Variants in NAALADL2 observed in about 807,000 individuals in gnomAD.
The protein encoded by NAALADL2 is N-acetylated alpha-linked acidic dipeptidase like 2.
NAALADL2 carries 76 observed loss-of-function variants against 87.2 expected under a neutral mutation model. The observed-to-expected ratio is 0.87, with a 90% CI of 0.72 to 1.05. The LOEUF (loss-of-function observed/expected upper bound fraction) is 1.05, where lower values mean the gene tolerates loss of function less well. Among genes scored for constraint, NAALADL2 ranks in the 50% least tolerant of loss-of-function variants. The pLI is 0.00. For synonymous variants in NAALADL2, 354 were observed against 331.0 expected, an observed-to-expected ratio of 1.07 and a Z score of -0.75; for missense variants, 1,089 against 945.8, an observed-to-expected ratio of 1.15 and a Z score of -1.99.
chr3:175,483,342 A>G (rs1457822451), intron 9 of NAALADL2, among the ~76,000 whole-genome samples: 2 of 137,742 alleles, frequency 1.5e-5, no homozygotes, highest in African/African-American at 5.5e-5. Flanking sequence ...TTTTTTTTTT[A>G]ACTTTCCTTT....
chr3:175,239,756 C>G (rs1020184499), intron 3 of NAALADL2, among the ~76,000 whole-genome samples: 5 of 152,172 alleles, frequency 3.3e-5, no homozygotes, highest in African/African-American at 1.2e-4. Flanking sequence ...AGACTAGCAT[C>G]CTTTCTTAAT....
chr3:175,010,509 T>C (rs1371036503), intron 1 of NAALADL2, among the ~76,000 whole-genome samples: 1 of 152,144 alleles, frequency 6.6e-6, no homozygotes, highest in African/African-American at 2.4e-5. Context: ...AAAATTATCT[T>C]AATATAACTT....
chr3:174,843,311 CT>C (rs796893287), intron 3 of NAALADL2, among the ~76,000 whole-genome samples: 110 of 146,922 alleles, frequency 7.5e-4, no homozygotes, highest in Non-Finnish European at 6.2e-4. Flanking sequence ...ATAATAGCAA[CT>C]TTTTTTTTTT....
chr3:174,648,471 G>A (rs909241591), intron 2 of NAALADL2, among the ~76,000 whole-genome samples: 4 of 152,134 alleles, frequency 2.6e-5, no homozygotes. Context: ...GCAGATATGG[G>A]AGGGGGCTAC....
chr3:175,463,397 T>C lies in NAALADL2; in HGVS notation c.1235-4T>C. The C allele has an allele frequency of 3.9e-6, 6 of 1,537,388 alleles. No homozygotes were observed. The highest frequency in any genetic ancestry group is 5.3e-6 in the Non-Finnish European group (6 of 1,139,458). The stretch of plus-strand genomic sequence containing the variant: ...CAAAAGTCTTTAAATTTTTATTTTT[T>C]CAGAAATAAGAGTCGTCAGCATGCA... On this transcript the variant is annotated splice_polypyrimidine_tract_variant and splice_region_variant and intron_variant, in intron 6 of 13. Coordinates refer to ENST00000454872, the MANE Select transcript of NAALADL2 (RefSeq NM_207015.3).
chr3:175,586,578 A>G (rs1020680221), intron 10 of NAALADL2, among the ~76,000 whole-genome samples: 3 of 152,356 alleles, frequency 2.0e-5, no homozygotes. Context: ...AGTGAAGAAC[A>G]TTTTAATTCT....
intron 11 of NAALADL2, among the ~76,000 whole-genome samples, chr3:175,659,188 T>G (rs1159426205): frequency 6.6e-6 from 1 of 152,194 alleles, no homozygotes; most frequent in Non-Finnish European, 1.5e-5. Context: ...ACTCAATACA[T>G]GTTAGTGTTA....
intron 1 of NAALADL2, among the ~76,000 whole-genome samples, chr3:174,531,835 C>A (rs1050705256): frequency 2.6e-5 from 4 of 152,154 alleles, no homozygotes; most frequent in Admixed American, 2.6e-4. Flanking sequence ...TTAATATTTA[C>A]AATAGAAATA....
chr3:174,840,493 T>G (rs1723902667), intron 3 of NAALADL2, among the ~76,000 whole-genome samples: 2 of 152,072 alleles, frequency 1.3e-5, no homozygotes, highest in Admixed American at 1.3e-4. Flanking sequence ...TTAGAAAAGA[T>G]TTGAAGGATA....
At chr3:175,487,448 C>T (rs1188322428) in intron 9 of NAALADL2, 1 of 450,546 alleles carries the variant, frequency 2.2e-6, no homozygotes, top group Non-Finnish European at 4.5e-6. Flanking sequence ...AGTAATTATT[C>T]TACAAATGAA....
chr3:174,864,159 G>A (rs1176468108), intron 1 of NAALADL2: 8 of 436,048 alleles, frequency 1.8e-5, no homozygotes, highest in Non-Finnish European at 2.8e-5. Context: ...CATTTTCCAG[G>A]TACAAGAGAG....
chr3:175,188,978 TC>T (rs755409200), intron 2 of NAALADL2, among the ~76,000 whole-genome samples: 5 of 152,074 alleles, frequency 3.3e-5, no homozygotes, highest in Admixed American at 6.6e-5. Context: ...ATATCCCTGC[TC>T]CCAAGGCCTG....
chr3:174,651,010 G>A (rs1157769410), intron 2 of NAALADL2, among the ~76,000 whole-genome samples: 8 of 151,666 alleles, frequency 5.3e-5, no homozygotes, highest in Admixed American at 3.3e-4. Context: ...TTAATATCTC[G>A]GGTGTTCCTT....
Position 175,397,306 on chromosome 3 carries a change from T to C in NAALADL2, c.1091-49923T>C, listed in dbSNP as rs796578509. On this transcript the variant is annotated intron_variant, in intron 5 of 13. Transcript: ENST00000454872. Reference sequence around the variant, plus strand: ...TCACAGAGGCCATGCTAATCTTCTCTGTATCATTCCAATTATAGTACATGT... The same window carrying C: ...TCACAGAGGCCATGCTAATCTTCTCCGTATCATTCCAATTATAGTACATGT... 2.0e-5 allele frequency: 3 copies of C among 152,172 alleles called. No individual in the cohort carries two copies. In the South Asian group the frequency reaches 6.2e-4, roughly 31 times the overall value. 9.4% of individuals were successfully genotyped at this position (152,172 alleles called of 1,614,324 possible). A position where few individuals can be genotyped will look rare whatever the true frequency, so the allele number is the denominator to read the frequency against.
intron 2 of NAALADL2, among the ~76,000 whole-genome samples, chr3:175,182,816 C>T (rs1339529169): frequency 6.6e-6 from 1 of 151,694 alleles, no homozygotes; most frequent in Non-Finnish European, 1.5e-5. Context: ...TTGCCTAGAC[C>T]AATGTCATGT....
At chr3:175,576,334 A>C in intron 10 of NAALADL2, 147 bp downstream of exon 10, 1 of 702,010 alleles carries the variant, frequency 1.4e-6, no homozygotes, top group Middle Eastern at 3.7e-4. Flanking sequence ...GCTTTTTCAA[A>C]GGCTTTGTAA....
chr3:175,439,724 T>TC (rs1301513056), intron 5 of NAALADL2, among the ~76,000 whole-genome samples: 1 of 138,470 alleles, frequency 7.2e-6, no homozygotes, highest in African/African-American at 2.6e-5. Flanking sequence ...GTTTGTGGTT[T>TC]TTTTTTCTTT....
chr3:174,811,841 G>C (rs1048045010), intron 3 of NAALADL2, among the ~76,000 whole-genome samples: 1 of 152,208 alleles, frequency 6.6e-6, no homozygotes, highest in Non-Finnish European at 1.5e-5. Flanking sequence ...GGTGGAGCCT[G>C]GTGTGAGATT....
At chr3:174,922,151 A>G (rs1735317596) in intron 1 of NAALADL2, among the ~76,000 whole-genome samples, 1 of 151,908 alleles carries the variant, frequency 6.6e-6, no homozygotes, top group Admixed American at 6.6e-5. Flanking sequence ...ACAAAAAATA[A>G]AATAAAAAAT....
Sources: allele counts gnomAD v4.1 joint callset (sites outside exome capture counted in the v4.1 genomes callset), GRCh38; gene constraint gnomAD v4.1.1; transcripts MANE v1.5; gene names NCBI Gene and HGNC (gene_info 2026-07-23, HGNC 2026-07-21).